LCORL: variants seen among roughly 807,000 people sequenced by gnomAD.
The protein encoded by LCORL is ligand dependent nuclear receptor corepressor like.
LCORL carries 41 observed loss-of-function variants against 141.8 expected under a neutral mutation model. That is an observed-to-expected ratio of 0.29 (90% CI 0.23 to 0.38). LCORL has a LOEUF of 0.38. LCORL is among the 10% of genes least tolerant of loss of function. The pLI is 1.00. For synonymous variants in LCORL, 618 were observed against 694.1 expected, an observed-to-expected ratio of 0.89 and a Z score of 1.72; for missense variants, 1,759 against 2,035.0, an observed-to-expected ratio of 0.86 and a Z score of 2.61.
At chr4:17,948,842 TAA>T (rs1739288382) in intron 4 of LCORL, among the ~76,000 whole-genome samples, 1 of 148,456 alleles carries the variant, frequency 6.7e-6, no homozygotes, top group Admixed American at 6.7e-5. Flanking sequence ...TTCAGAGGAG[TAA>T]AGAGACAATC....
intron 7 of LCORL, among the ~76,000 whole-genome samples, chr4:17,846,664 CATT>C (rs1350014649): frequency 6.6e-6 from 1 of 152,128 alleles, no homozygotes; most frequent in Non-Finnish European, 1.5e-5. Context: ...ATCTCTTCAA[CATT>C]ATTCTTTAAT....
intron 1 of LCORL, among the ~76,000 whole-genome samples, chr4:17,980,031 G>C (rs1448022629): frequency 1.3e-5 from 2 of 152,158 alleles, no homozygotes; most frequent in East Asian, 3.9e-4. Context: ...CAGGAAATTT[G>C]ATTCTGGCCT....
exon 7 of LCORL, chr4:17,874,718 C>T: frequency 8.1e-7 from 1 of 1,233,882 alleles, no homozygotes; most frequent in Non-Finnish European, 1.0e-6. Flanking sequence ...TAGCCCACCA[C>T]CTGAGCAAAG....
intron 2 of LCORL, among the ~76,000 whole-genome samples, chr4:17,970,636 T>G (rs527748260): frequency 1.4e-4 from 21 of 152,320 alleles, no homozygotes; most frequent in Non-Finnish European, 2.9e-4. Flanking sequence ...TTTTGAGCAC[T>G]GACCAGTTGC....
intron 4 of LCORL, among the ~76,000 whole-genome samples, chr4:17,940,108 A>ATG (rs957623447): frequency 4.8e-5 from 7 of 146,376 alleles, no homozygotes; most frequent in South Asian, 4.3e-4. Flanking sequence ...AGGTAGATAT[A>ATG]TGTGTGTGTA....
At chr4:18,004,901 T>C (rs1722540573) in intron 1 of LCORL, among the ~76,000 whole-genome samples, 2 of 149,750 alleles carry the variant, frequency 1.3e-5, no homozygotes, top group Non-Finnish European at 3.0e-5. Context: ...CCCATGCAAA[T>C]CCGAAATCCA....
chr4:17,861,778 C>T (rs1403290255), intron 7 of LCORL, among the ~76,000 whole-genome samples: 1 of 152,134 alleles, frequency 6.6e-6, no homozygotes, highest in East Asian at 1.9e-4. Context: ...TTTCTTCCGC[C>T]ATATACCCTA....
At chr4:17,936,820 T>A (rs1736947313) in intron 4 of LCORL, among the ~76,000 whole-genome samples, 1 of 152,164 alleles carries the variant, frequency 6.6e-6, no homozygotes, top group Non-Finnish European at 1.5e-5. Context: ...CTTAGTTTAA[T>A]TAGAAAAGAT....
chr4:18,004,076 C>G (rs1722405313), intron 1 of LCORL, among the ~76,000 whole-genome samples: 1 of 152,170 alleles, frequency 6.6e-6, no homozygotes, highest in Non-Finnish European at 1.5e-5. Context: ...GAAGGGAACT[C>G]CATTCTATAA....
chr4:17,912,268 G>GA, intron 4 of LCORL: 1 of 698,440 alleles, frequency 1.4e-6, no homozygotes, highest in South Asian at 1.4e-5. Flanking sequence ...GGTCACTGAT[G>GA]AAACCAATGT....
At chr4:17,845,434 C>A (rs567057528) in exon 8 of LCORL, 2 of 238,252 alleles carry the variant, frequency 8.4e-6, no homozygotes, top group Admixed American at 1.0e-4. Context: ...ACTTTGTGCA[C>A]AGAAATAAAA....
At chr4:18,008,703 G>A (rs374269511) in intron 1 of LCORL, among the ~76,000 whole-genome samples, 5 of 151,950 alleles carry the variant, frequency 3.3e-5, no homozygotes, top group African/African-American at 1.2e-4. Flanking sequence ...CCTAACACAC[G>A]GTAAGCACTC....
chr4:17,978,225 A>G (rs1455106081), intron 1 of LCORL, among the ~76,000 whole-genome samples: 1 of 152,126 alleles, frequency 6.6e-6, no homozygotes, highest in Non-Finnish European at 1.5e-5. Flanking sequence ...TTACATTGTG[A>G]GTGCTGGGTT....
intron 7 of LCORL, among the ~76,000 whole-genome samples, chr4:17,850,029 G>T (rs995928682): frequency 3.5e-4 from 53 of 151,344 alleles, no homozygotes; most frequent in African/African-American, 9.7e-4. Flanking sequence ...AAGCAATGGG[G>T]AAGGGATTCC....
At chr4:18,020,975 CGA>C (rs1020862154) in intron 1 of LCORL, among the ~76,000 whole-genome samples, 4 of 152,162 alleles carry the variant, frequency 2.6e-5, no homozygotes, top group African/African-American at 9.6e-5. Flanking sequence ...CCGCCGAGCG[CGA>C]GAGGGCAGAG....
chr4:17,906,767 A>C (rs1577381829), intron 5 of LCORL, among the ~76,000 whole-genome samples: 1 of 142,156 alleles, frequency 7.0e-6, no homozygotes, highest in African/African-American at 2.7e-5. Context: ...GCCCACTGCC[A>C]CCTCTGCCTC....
At chr4:17,937,460 T>C (rs947075089) in intron 4 of LCORL, among the ~76,000 whole-genome samples, 3 of 152,200 alleles carry the variant, frequency 2.0e-5, no homozygotes, top group South Asian at 2.1e-4. Flanking sequence ...TTTGTCACAA[T>C]AGAATATAAG....
Position 17,876,670 on chromosome 4 carries a change from G to A in LCORL, c.2320C>T (p.Arg774Ter), listed in dbSNP as rs2109185782. 8.1e-7 allele frequency: 1 copy of A among 1,230,602 alleles called. No individual in the cohort carries two copies. The highest frequency in any genetic ancestry group is 1.0e-6 in the Non-Finnish European group (1 of 986,960). The allele number at this position is 1,230,602 out of a possible 1,614,324, so 76.2% of individuals were successfully genotyped here. Reference sequence around the variant, plus strand: ...TACCACCCTGGAGGCACAATATTTCGTTTAGTTCTGCTCAAAAGTCCAGAA... The same window carrying A: ...TACCACCCTGGAGGCACAATATTTCATTTAGTTCTGCTCAAAAGTCCAGAA... Residue 774 changes from arginine to a stop codon, truncating the protein, a stop_gained, in exon 7 of 8, where the codon CGA (arginine) becomes TGA (stop). Transcript: ENST00000635767. LOFTEE classifies it high-confidence loss of function.
chr4:17,917,484 C>T (rs1443980262), intron 4 of LCORL, among the ~76,000 whole-genome samples: 1 of 152,230 alleles, frequency 6.6e-6, no homozygotes, highest in Non-Finnish European at 1.5e-5. Context: ...TGAGCCACTG[C>T]GCCAGCTGAG....
Sources: gnomAD v4.1 joint callset for allele counts (sites outside exome capture counted in the v4.1 genomes callset) on GRCh38, gnomAD v4.1.1 for gene constraint, MANE v1.5 for transcripts, NCBI Gene and HGNC (gene_info 2026-07-23, HGNC 2026-07-21) for gene names.